Variants in TAAR2 observed in about 807,000 individuals in gnomAD.
TAAR2 encodes the protein trace amine associated receptor 2.
In TAAR2, 30 loss-of-function variants were observed where a neutral mutation model predicts 25.5. The observed-to-expected ratio is 1.18, with a 90% confidence interval of 0.88 to 1.60. The LOEUF (loss-of-function observed/expected upper bound fraction) is 1.60. TAAR2 is among the 40% of genes most tolerant of loss of function. The probability of loss-of-function intolerance (pLI) is 0.00; values close to 1 mark genes in which losing one functional copy is unlikely to be tolerated. For synonymous variants in TAAR2, 150 were observed against 142.4 expected (o/e 1.05, Z -0.38); for missense variants, 481 against 416.5 (o/e 1.15, Z -1.35).
At chr6:132,620,386 C>A (rs1777356523) in intron 1 of TAAR2, among the ~76,000 whole-genome samples, 1 of 152,202 alleles carries the variant, frequency 6.6e-6, no homozygotes, top group Admixed American at 6.5e-5. Context: ...TGCCGACGCC[C>A]TAAATGCTGT....
intron 1 of TAAR2, among the ~76,000 whole-genome samples, chr6:132,621,529 C>G (rs1030810024): frequency 1.3e-5 from 2 of 152,026 alleles, no homozygotes; most frequent in Non-Finnish European, 2.9e-5. Flanking sequence ...GTTTTCTGTT[C>G]CAACAACAGT....
chr6:132,620,638 C>T (rs9389013), intron 1 of TAAR2, among the ~76,000 whole-genome samples: 68,091 of 151,256 alleles, frequency 0.45, 16,116 homozygotes, highest in East Asian at 0.65. Flanking sequence ...GGGAGGAGGA[C>T]GGGAGGAGGG....
chr6:132,623,487 A>T (rs1777402239), intron 1 of TAAR2, among the ~76,000 whole-genome samples: 1 of 152,192 alleles, frequency 6.6e-6, no homozygotes, highest in Non-Finnish European at 1.5e-5. Flanking sequence ...TTCTTAAGAA[A>T]ACCTCAAGGA....
In TAAR2 at chr6:132,617,279, T is replaced by C; in HGVS notation, c.927A>G (p.Thr309=). ...AGAAACCATATATTAACGGATTACATGTGGAGTTAAAATAGCCAAACCATG... is the reference window on the plus strand; with the variant it reads ...AGAAACCATATATTAACGGATTACACGTGGAGTTAAAATAGCCAAACCATG... ...ALTWFGYFNS[T]CNPLIYGFFY... Residue 309 remains threonine (T), a synonymous_variant, in exon 2 of 2, where the codon ACA becomes ACG. Transcript: ENST00000367931. 1 of 1,613,800 alleles carries C rather than the reference T, an allele frequency of 6.2e-7. No homozygotes were observed. The highest frequency in any genetic ancestry group is 8.5e-7 in the Non-Finnish European group (1 of 1,179,944).
chr6:132,622,602 C>T (rs561572129), intron 1 of TAAR2, among the ~76,000 whole-genome samples: 2 of 149,820 alleles, frequency 1.3e-5, no homozygotes, highest in South Asian at 4.2e-4. Flanking sequence ...TCTCCTGCCT[C>T]AGCTTCCTGA....
intron 1 of TAAR2, among the ~76,000 whole-genome samples, chr6:132,620,320 C>T (rs1273178402): frequency 6.6e-6 from 1 of 152,162 alleles, no homozygotes; most frequent in Non-Finnish European, 1.5e-5. Flanking sequence ...ATATCTGCCA[C>T]CTGGGTGATT....
chr6:132,617,834 C>T lies in TAAR2; in HGVS notation c.372G>A (p.Leu124=). The T allele has an allele frequency of 1.2e-6, 2 of 1,614,036 alleles. No homozygotes were observed. Among genetic ancestry groups the T allele is most frequent in the Non-Finnish European group, 8.5e-7 (1 of 1,179,988 alleles). Residue 124 remains leucine, a synonymous_variant, in exon 2 of 2, where the codon CTG becomes CTA. Transcript: ENST00000367931. ...TFCKIYYSFD[L]MLSITSIFHL... is the part of the protein sequence containing the mutation. ...GAAAAATGGATGTTATGCTAAGCAT[C>T]AGGTCAAAACTATAATAAATCTTGC...
intron 1 of TAAR2, among the ~76,000 whole-genome samples, chr6:132,622,726 C>T (rs1285936812): frequency 1.3e-5 from 2 of 152,096 alleles, no homozygotes; most frequent in East Asian, 1.9e-4. Context: ...CCTCATCATT[C>T]GCCCACCTTG....
rs1777328275 is a variant in TAAR2, at chr6:132,618,270, T to A, written c.61-125A>T. On this transcript the variant is annotated intron_variant, in intron 1 of 1. Coordinates refer to ENST00000367931, the MANE Select transcript of TAAR2 (RefSeq NM_001033080.1). Reference sequence around the variant, plus strand: ...AAGGAAGATAATTTATGCTGTAATATTACTCATGATCTTTCCCATTTACTT... The same window carrying A: ...AAGGAAGATAATTTATGCTGTAATAATACTCATGATCTTTCCCATTTACTT... 8.0e-6 allele frequency: 7 copies of A among 872,376 alleles called. No homozygotes were observed. The East Asian group carries it at 1.6e-4, about 20-fold the overall frequency. The allele number at this position is 872,376 out of a possible 1,614,324, so 54.0% of individuals were successfully genotyped here.
chr6:132,623,833 G>A (rs1054921982), intron 1 of TAAR2, among the ~76,000 whole-genome samples: 1 of 151,918 alleles, frequency 6.6e-6, no homozygotes, highest in Non-Finnish European at 1.5e-5. Flanking sequence ...CAGCATTTAA[G>A]GCTCTAAGTC....
intron 1 of TAAR2, among the ~76,000 whole-genome samples, chr6:132,620,189 C>T (rs534601079): frequency 6.6e-6 from 1 of 152,194 alleles, no homozygotes; most frequent in Non-Finnish European, 1.5e-5. Flanking sequence ...TGCCAAGTGG[C>T]GACTCCAAGG....
intron 1 of TAAR2, 130 bp downstream of exon 1, chr6:132,624,086 C>T: frequency 1.1e-6 from 1 of 884,870 alleles, no homozygotes; most frequent in Non-Finnish European, 1.8e-6. Context: ...TAAAAGAACA[C>T]ATTTCATCAA....
Position 132,617,652 on chromosome 6 carries a change from G to A in TAAR2, c.554C>T (p.Ala185Val). Residue 185 changes from alanine to valine, a missense_variant, in exon 2 of 2, where the codon GCA (alanine) becomes GTA (valine). Transcript: ENST00000367931. Reference sequence around the variant, plus strand: ...GATGTCATAGCCCTCTATTCCATCTGCATAGGCCTCTGAGAAGACCACCCC... The same window carrying A: ...GATGTCATAGCCCTCTATTCCATCTACATAGGCCTCTGAGAAGACCACCCC... ...AFGVVFSEAY[A>V]DGIEGYDILV... 1 of 1,613,914 alleles carries A rather than the reference G, an allele frequency of 6.2e-7. No individual in the cohort carries two copies. The highest frequency in any genetic ancestry group is 8.5e-7 in the Non-Finnish European group (1 of 1,179,968).
At chr6:132,622,101 G>T (rs2114613305) in intron 1 of TAAR2, among the ~76,000 whole-genome samples, 1 of 152,092 alleles carries the variant, frequency 6.6e-6, no homozygotes, top group Non-Finnish European at 1.5e-5. Context: ...TAAATGGAAT[G>T]TCAGATCTTT....
In TAAR2 at chr6:132,617,515, T is replaced by C; in HGVS notation, c.691A>G (p.Lys231Glu). 6.2e-7 allele frequency: 1 copy of C among 1,614,020 alleles called. No individual in the cohort carries two copies. The highest frequency in any genetic ancestry group is 8.5e-7 in the Non-Finnish European group (1 of 1,179,978). ...TGTTTTCTGGATACTGCAAAAATTTTGCCATAAATCCCCACCATCATAGAC... is the reference window on the plus strand; with the variant it reads ...TGTTTTCTGGATACTGCAAAAATTTCGCCATAAATCCCCACCATCATAGAC... ...PGSMMVGIYG[K>E]IFAVSRKHAH... The change falls in exon 2 of 2, where the codon AAA becomes GAA. Residue 231 changes from lysine (K) to glutamate (E), a missense_variant. Lys to Glu is a moderately conservative substitution (Grantham distance 56, BLOSUM62 1). Coordinates refer to ENST00000367931, the MANE Select transcript of TAAR2 (RefSeq NM_001033080.1).
chr6:132,617,781 A>G lies in TAAR2; in HGVS notation c.425T>C (p.Phe142Ser). Reference sequence around the variant, plus strand: ...AAGTAATGGGTAACATATAGCATAAAATCTATCAATGGCCACTGAGCAAAG... The same window carrying G: ...AAGTAATGGGTAACATATAGCATAAGATCTATCAATGGCCACTGAGCAAAG... ...FHLCSVAIDR[F>S]YAICYPLLYS... The change falls in exon 2 of 2, where the codon TTT (phenylalanine) becomes TCT (serine). Residue 142 changes from phenylalanine to serine, a missense_variant. Transcript: ENST00000367931. 1 of 1,614,082 alleles carries G rather than the reference A, an allele frequency of 6.2e-7. No individual in the cohort carries two copies. The highest frequency in any genetic ancestry group is 8.5e-7 in the Non-Finnish European group (1 of 1,180,002).
intron 1 of TAAR2, among the ~76,000 whole-genome samples, chr6:132,620,209 C>G (rs1777354586): frequency 6.6e-6 from 1 of 152,204 alleles, no homozygotes; most frequent in African/African-American, 2.4e-5. Flanking sequence ...GCAGTTTTCT[C>G]CTCGTTATTC....
intron 1 of TAAR2, among the ~76,000 whole-genome samples, chr6:132,622,025 G>C (rs1203785300): frequency 6.6e-6 from 1 of 151,902 alleles, no homozygotes. Flanking sequence ...AGCTTTCAAG[G>C]GTCATTTTTT....
At position 132,617,575 on chromosome 6, in the gene TAAR2, T is replaced by G. The variant is rs1276533248; in HGVS notation, c.631A>C (p.Thr211Pro). Residue 211 changes from threonine to proline, a missense_variant, in exon 2 of 2, where the codon ACC becomes CCC. By Grantham distance (38) the Thr-to-Pro change is conservative. Coordinates refer to ENST00000367931, the MANE Select transcript of TAAR2 (RefSeq NM_001033080.1). ...CPVMFNKLWG[T>P]TLFMAGFFTP... ...AAGAAACCTGCCATAAACAAGGTGG[T>G]CCCCCATAGCTTGTTGAACATCACT... is the stretch of plus-strand genomic sequence containing the variant. 6.2e-7 allele frequency: 1 copy of G among 1,613,976 alleles called. No individual in the cohort carries two copies. Among genetic ancestry groups the G allele is most frequent in the Admixed American group, 1.7e-5 (1 of 59,994 alleles).
Sources: gnomAD v4.1 joint callset for allele counts (sites outside exome capture counted in the v4.1 genomes callset) on GRCh38, gnomAD v4.1.1 for gene constraint, MANE v1.5 for transcripts, NCBI Gene and HGNC (gene_info 2026-07-23, HGNC 2026-07-21) for gene names.